The following EXOC4 variants were observed in gnomAD, a reference collection of about 807,000 sequenced individuals.
EXOC4 encodes the protein exocyst complex component 4.
EXOC4 carries 71 observed loss-of-function variants against 107.2 expected under a neutral mutation model. The ratio of observed to expected loss-of-function variants is 0.66; its 90% CI spans 0.55 to 0.81. The LOEUF (loss-of-function observed/expected upper bound fraction) is 0.81. EXOC4 is among the 30% of genes least tolerant of loss of function. The pLI, the probability that EXOC4 is intolerant of heterozygous loss-of-function variation, is 0.00. For synonymous variants in EXOC4, 456 were observed against 441.2 expected (o/e 1.03, Z -0.42); for missense variants, 1,108 against 1,189.6 (o/e 0.93, Z 1.01).
At chr7:133,874,428 A>G (rs1187396465) in intron 11 of EXOC4, among the ~76,000 whole-genome samples, 2 of 152,214 alleles carry the variant, frequency 1.3e-5, no homozygotes, top group African/African-American at 4.8e-5. Flanking sequence ...TGTCCCTCCC[A>G]GTAGGAGGCA....
At chr7:133,782,227 C>T (rs1050862092) in intron 10 of EXOC4, among the ~76,000 whole-genome samples, 3 of 152,158 alleles carry the variant, frequency 2.0e-5, no homozygotes, top group Non-Finnish European at 2.9e-5. Context: ...TGTATTTATC[C>T]ATATCCATAG....
chr7:133,555,012 T>C (rs1800665352), intron 9 of EXOC4, among the ~76,000 whole-genome samples: 1 of 152,014 alleles, frequency 6.6e-6, no homozygotes, highest in South Asian at 2.1e-4. Context: ...ATTGGAAAAA[T>C]TGAATCTAGC....
chr7:133,827,085 G>A (rs149905305), intron 11 of EXOC4, among the ~76,000 whole-genome samples: 1 of 152,274 alleles, frequency 6.6e-6, no homozygotes, highest in East Asian at 1.9e-4. Context: ...CTTCAAAAGA[G>A]TATTTATTTT....
At position 134,004,995 on chromosome 7, in the gene EXOC4, AC is replaced by A. The variant is rs1563088236; in HGVS notation, c.2437del (p.Leu813TrpfsTer16). 56 of 1,613,258 alleles carry A rather than the reference AC, an allele frequency of 3.5e-5. No individual in the cohort carries two copies. Among genetic ancestry groups the A allele is most frequent in the Non-Finnish European group, 4.7e-5 (56 of 1,179,618 alleles). On this transcript the variant is annotated frameshift_variant, in exon 16 of 18. Transcript: ENST00000253861. LOFTEE classifies it high-confidence loss of function. The part of the protein sequence containing the change: ...IVANVESMDY[D>X]PLVVKLNKDI... Reference sequence around the variant, plus strand: ...GCTAATGTGGAAAGTATGGATTATGACCCCCTGGTGGTCAAGCTCAACAAAG... The same window carrying A: ...GCTAATGTGGAAAGTATGGATTATGACCCCTGGTGGTCAAGCTCAACAAAG...
chr7:133,928,189 A>T (rs1272941760), intron 13 of EXOC4, among the ~76,000 whole-genome samples: 1 of 152,144 alleles, frequency 6.6e-6, no homozygotes, highest in Non-Finnish European at 1.5e-5. Flanking sequence ...ATGAAAGAAA[A>T]AAATGCAATT....
intron 14 of EXOC4, among the ~76,000 whole-genome samples, chr7:133,947,895 A>G (rs547079660): frequency 6.6e-6 from 1 of 152,232 alleles, no homozygotes; most frequent in African/African-American, 2.4e-5. Context: ...GCAAAACTAT[A>G]AAATGGAAAC....
chr7:133,592,691 C>A (rs10251833), intron 9 of EXOC4, among the ~76,000 whole-genome samples: 2,985 of 152,280 alleles, frequency 0.02, 100 homozygotes, highest in African/African-American at 0.068. Context: ...CAACCTCCGA[C>A]TCCTGGGTTC....
intron 10 of EXOC4, among the ~76,000 whole-genome samples, chr7:133,788,551 G>A (rs1460018132): frequency 1.3e-5 from 2 of 151,976 alleles, no homozygotes; most frequent in African/African-American, 2.4e-5. Flanking sequence ...AGAGTACAGT[G>A]GTGTGATCTT....
intron 17 of EXOC4, among the ~76,000 whole-genome samples, chr7:134,052,177 C>T (rs1227444986): frequency 6.6e-6 from 1 of 151,906 alleles, no homozygotes; most frequent in East Asian, 1.9e-4. Flanking sequence ...TCAAGAAATT[C>T]AACAATGAAA....
chr7:133,961,935 C>T (rs1187035418), intron 14 of EXOC4, among the ~76,000 whole-genome samples: 1 of 152,162 alleles, frequency 6.6e-6, no homozygotes, highest in Non-Finnish European at 1.5e-5. Context: ...TTACAGCAGC[C>T]TATGGGGGAA....
At chr7:133,750,376 A>C (rs745555324) in intron 10 of EXOC4, among the ~76,000 whole-genome samples, 3 of 151,862 alleles carry the variant, frequency 2.0e-5, no homozygotes, top group Non-Finnish European at 2.9e-5. Flanking sequence ...TAGGTCTTAC[A>C]CTCTTTTGGT....
chr7:133,926,204 A>T (rs760462293), intron 13 of EXOC4, among the ~76,000 whole-genome samples: 1 of 152,188 alleles, frequency 6.6e-6, no homozygotes, highest in Non-Finnish European at 1.5e-5. Flanking sequence ...GGTGCAGAGG[A>T]AGTAAATGAC....
chr7:133,955,268 T>C (rs1338755339), intron 14 of EXOC4, among the ~76,000 whole-genome samples: 5 of 152,198 alleles, frequency 3.3e-5, no homozygotes, highest in African/African-American at 1.2e-4. Context: ...AGTGGAGACC[T>C]GCAGTGGGTA....
At chr7:133,461,796 A>G (rs1014645242) in intron 7 of EXOC4, among the ~76,000 whole-genome samples, 1 of 152,234 alleles carries the variant, frequency 6.6e-6, no homozygotes, top group African/African-American at 2.4e-5. Context: ...TGTTTGGAGC[A>G]TCTTACTTTC....
intron 14 of EXOC4, among the ~76,000 whole-genome samples, chr7:133,965,775 T>C (rs1233790219): frequency 2.6e-5 from 4 of 152,208 alleles, no homozygotes; most frequent in African/African-American, 9.6e-5. Context: ...TCCAGCTTTG[T>C]TCTTTTTGCT....
chr7:133,392,440 G>T (rs1416916462), intron 7 of EXOC4, among the ~76,000 whole-genome samples: 1 of 152,032 alleles, frequency 6.6e-6, no homozygotes, highest in African/African-American at 2.4e-5. Context: ...TTTACCTAAG[G>T]TGAATACATG....
At chr7:133,454,288 T>G (rs568994513) in intron 7 of EXOC4, among the ~76,000 whole-genome samples, 1 of 152,284 alleles carries the variant, frequency 6.6e-6, no homozygotes, top group South Asian at 2.1e-4. Flanking sequence ...CAACACTGCT[T>G]TCATTTATTT....
intron 7 of EXOC4, among the ~76,000 whole-genome samples, chr7:133,379,232 G>A (rs1181051392): frequency 1.3e-5 from 2 of 151,996 alleles, no homozygotes; most frequent in Non-Finnish European, 2.9e-5. Flanking sequence ...ACCCAGTAAT[G>A]TTCTATATAG....
intron 2 of EXOC4, among the ~76,000 whole-genome samples, chr7:133,277,607 A>G (rs938646780): frequency 6.6e-6 from 1 of 152,246 alleles, no homozygotes; most frequent in Non-Finnish European, 1.5e-5. Context: ...GTTTTGAGCA[A>G]AAGAAAATAA....
Sources: allele counts gnomAD v4.1 joint callset (sites outside exome capture counted in the v4.1 genomes callset), GRCh38; gene constraint gnomAD v4.1.1; transcripts MANE v1.5; gene names NCBI Gene and HGNC (gene_info 2026-07-23, HGNC 2026-07-21).